The following PCLO variants were observed in gnomAD, a reference collection of about 807,000 sequenced individuals.
PCLO encodes the protein protein piccolo.
PCLO carries 82 observed loss-of-function variants against 427.5 expected under a neutral mutation model. The ratio of observed to expected loss-of-function variants is 0.19; its 90% CI spans 0.16 to 0.23. The LOEUF (loss-of-function observed/expected upper bound fraction) is 0.23. Among genes scored for constraint, PCLO ranks in the 10% least tolerant of loss-of-function variants. The pLI, the probability that PCLO is intolerant of heterozygous loss-of-function variation, is 1.00. For missense variants in PCLO, 6,239 were observed against 6,115.9 expected (o/e 1.02, Z -0.67); for synonymous variants, 2,357 against 2,155.4 (o/e 1.09, Z -2.59).
At chr7:83,158,445 AT>A (rs1258136848) in intron 1 of PCLO, among the ~76,000 whole-genome samples, 1 of 151,938 alleles carries the variant, frequency 6.6e-6, no homozygotes, top group East Asian at 1.9e-4. Context: ...TGGCAATCCT[AT>A]GAGTAATCAT....
At chr7:82,945,085 G>T (rs1795169897) in intron 6 of PCLO, among the ~76,000 whole-genome samples, 1 of 152,004 alleles carries the variant, frequency 6.6e-6, no homozygotes, top group Non-Finnish European at 1.5e-5. Context: ...AAACCCAGAA[G>T]AAATAAATTC....
At chr7:83,053,191 T>A (rs1488497245) in intron 3 of PCLO, among the ~76,000 whole-genome samples, 2 of 151,888 alleles carry the variant, frequency 1.3e-5, no homozygotes, top group Non-Finnish European at 2.9e-5. Flanking sequence ...ACACATCCCA[T>A]CTCCTTTTTT....
intron 10 of PCLO, among the ~76,000 whole-genome samples, chr7:82,869,780 A>C (rs1426677222): frequency 6.6e-6 from 1 of 152,010 alleles, no homozygotes; most frequent in Admixed American, 6.6e-5. Context: ...AAAAATAAGA[A>C]AGCAATCCTA....
At chr7:83,063,740 T>C (rs1789596585) in intron 3 of PCLO, among the ~76,000 whole-genome samples, 1 of 152,120 alleles carries the variant, frequency 6.6e-6, no homozygotes, top group Non-Finnish European at 1.5e-5. Context: ...GCCCTTTTTC[T>C]GGCATTTGAA....
intron 3 of PCLO, among the ~76,000 whole-genome samples, chr7:82,987,247 T>G (rs564382475): frequency 6.6e-6 from 1 of 152,080 alleles, no homozygotes; most frequent in African/African-American, 2.4e-5. Flanking sequence ...ATCTTCATAT[T>G]TATTGATTCT....
At chr7:83,015,513 C>G (rs1788184537) in intron 3 of PCLO, among the ~76,000 whole-genome samples, 1 of 151,984 alleles carries the variant, frequency 6.6e-6, no homozygotes, top group African/African-American at 2.4e-5. Flanking sequence ...AATAAGATAG[C>G]ATTTGTTTCA....
At chr7:83,147,509 T>C (rs569677106) in intron 2 of PCLO, among the ~76,000 whole-genome samples, 9 of 152,172 alleles carry the variant, frequency 5.9e-5, no homozygotes, top group Non-Finnish European at 1.3e-4. Context: ...AGTTAAAGCA[T>C]ACATGGCTGT....
chr7:82,793,494 C>A (rs947044290), intron 22 of PCLO, among the ~76,000 whole-genome samples: 5 of 152,128 alleles, frequency 3.3e-5, no homozygotes, highest in Non-Finnish European at 7.3e-5. Context: ...TGGAGACAAA[C>A]GCCATTCGAA....
In PCLO at chr7:82,902,643, T is replaced by G; in HGVS notation, c.13528+8A>C. ...AAAAAAAATATTAGATTATATGATT[T>G]GCTTTACCTGAAACTGTGTGATCCT... is the stretch of plus-strand genomic sequence containing the variant. On this transcript the variant is annotated splice_region_variant and intron_variant, in intron 9 of 24. Transcript: ENST00000333891. The G allele has an allele frequency of 1.3e-6, 2 of 1,501,960 alleles. No individual in the cohort carries two copies. Among genetic ancestry groups the G allele is most frequent in the Non-Finnish European group, 1.8e-6 (2 of 1,083,988 alleles). 93.0% of individuals were successfully genotyped at this position (1,501,960 alleles called of 1,614,324 possible).
intron 3 of PCLO, among the ~76,000 whole-genome samples, chr7:83,087,352 C>T (rs12707552): frequency 0.49 from 74,158 of 151,592 alleles, 18,272 homozygotes; most frequent in African/African-American, 0.51. Context: ...ATGGGTACAA[C>T]GTACACTACT....
chr7:82,849,690 G>T (rs995070434), intron 10 of PCLO, among the ~76,000 whole-genome samples: 2 of 152,040 alleles, frequency 1.3e-5, no homozygotes, highest in Non-Finnish European at 2.9e-5. Context: ...TTTGTTAATT[G>T]TAACATTATA....
At chr7:82,874,834 C>A (rs1287149877) in intron 10 of PCLO, among the ~76,000 whole-genome samples, 1 of 152,076 alleles carries the variant, frequency 6.6e-6, no homozygotes, top group African/African-American at 2.4e-5. Context: ...ACAAGAAATA[C>A]CAATGACAAA....
In PCLO at chr7:82,760,721, G is replaced by A. The variant is rs895143010; in HGVS notation, c.15206C>T (p.Thr5069Ile). The change falls in exon 24 of 25, where the codon ACA (threonine) becomes ATA (isoleucine). Residue 5069 changes from threonine to isoleucine, a missense_variant. Physicochemically the swap from Thr to Ile is moderately conservative, Grantham distance 89 (BLOSUM62 -1). Transcript: ENST00000333891. ...CTCTCGATCATGTCTGCATACTCTT[G>A]TTTTTTTCTTGATCACCTTTTTTTG... The part of the protein sequence containing the change: ...STQKKVIKKK[T>I]RVCRHDREPS... The A allele has an allele frequency of 1.3e-6, 2 of 1,580,310 alleles. No homozygotes were observed. The highest frequency in any genetic ancestry group is 1.7e-6 in the Non-Finnish European group (2 of 1,153,570).
chr7:82,864,862 T>G (rs1311714791), intron 10 of PCLO, among the ~76,000 whole-genome samples: 1 of 152,126 alleles, frequency 6.6e-6, no homozygotes, highest in Non-Finnish European at 1.5e-5. Context: ...AATTCTTACA[T>G]GAAATAAAAT....
chr7:83,157,845 C>A (rs886799325), intron 1 of PCLO, among the ~76,000 whole-genome samples: 2 of 152,030 alleles, frequency 1.3e-5, no homozygotes, highest in Middle Eastern at 3.4e-3. Context: ...AACTTAGTAG[C>A]ACCTAAAATA....
At chr7:82,944,434 A>G (rs568844335) in intron 6 of PCLO, among the ~76,000 whole-genome samples, 1 of 152,226 alleles carries the variant, frequency 6.6e-6, no homozygotes, top group South Asian at 2.1e-4. Flanking sequence ...AATTTTGGTG[A>G]GGGAGGAAAG....
intron 6 of PCLO, among the ~76,000 whole-genome samples, chr7:82,933,086 C>A (rs1426619815): frequency 6.6e-6 from 1 of 151,928 alleles, no homozygotes; most frequent in Non-Finnish European, 1.5e-5. Context: ...TGTTGCAAAG[C>A]CCTGATTCAA....
At chr7:82,992,768 AT>A (rs1796407331) in intron 3 of PCLO, among the ~76,000 whole-genome samples, 1 of 152,072 alleles carries the variant, frequency 6.6e-6, no homozygotes, top group African/African-American at 2.4e-5. Flanking sequence ...AGAAAAAAAA[AT>A]GATGCCTTAC....
chr7:82,783,478 C>T lies in PCLO; in HGVS notation c.15007+18040G>A, dbSNP rs147545727. Among the ~76,000 whole-genome samples, 386 of 152,036 alleles carry T rather than the reference C, an allele frequency of 2.5e-3. 1 individual carries two copies. The highest frequency in any genetic ancestry group is 8.5e-3 in the African/African-American group (353 of 41,488). ...AAATACATTAAAAAAGAAAATTAGCCGGGCATGGTGGCGGGCTCCTGTAGT... is the reference window on the plus strand; with the variant it reads ...AAATACATTAAAAAAGAAAATTAGCTGGGCATGGTGGCGGGCTCCTGTAGT... On this transcript the variant is annotated intron_variant, in intron 22 of 24. Transcript: ENST00000333891.
Sources: gnomAD v4.1 joint callset for allele counts (sites outside exome capture counted in the v4.1 genomes callset) on GRCh38, gnomAD v4.1.1 for gene constraint, MANE v1.5 for transcripts, NCBI Gene and HGNC (gene_info 2026-07-23, HGNC 2026-07-21) for gene names.